The following DLGAP2 variants were observed in gnomAD, a reference collection of about 807,000 sequenced individuals.
DLGAP2 encodes the protein DLG associated protein 2.
Under a neutral mutation model 100.3 loss-of-function variants are expected in DLGAP2, and 26 were observed. The observed-to-expected ratio is 0.26, with a 90% CI of 0.19 to 0.36. DLGAP2 has a LOEUF of 0.36. Among genes scored for constraint, DLGAP2 ranks in the 10% least tolerant of loss-of-function variants. The pLI, the probability that DLGAP2 is intolerant of heterozygous loss-of-function variation, is 1.00. For synonymous variants in DLGAP2, 886 were observed against 630.1 expected, an observed-to-expected ratio of 1.41 and a Z score of -6.08; for missense variants, 1,858 against 1,453.2, an observed-to-expected ratio of 1.28 and a Z score of -4.53.
intron 6 of DLGAP2, among the ~76,000 whole-genome samples, chr8:1,624,795 C>G (rs1478986538): frequency 6.6e-6 from 1 of 151,896 alleles, no homozygotes; most frequent in South Asian, 2.1e-4. Flanking sequence ...CTGTGTGCTT[C>G]ATACCCAGTA....
At position 1,587,097 on chromosome 8, in the gene DLGAP2, A is replaced by G. The variant is rs530336741; in HGVS notation, c.1442+21203A>G. Among the ~76,000 whole-genome samples, 3 of 152,362 alleles carry G rather than the reference A, an allele frequency of 2.0e-5. No individual in the cohort carries two copies. In the East Asian group the frequency reaches 5.8e-4, roughly 29 times the overall value. ...TATTGCCTGTTTCCCTAAAAACATT[A>G]CAGGATGCTTTCTTAAAAACATCCT... On this transcript the variant is annotated intron_variant, in intron 6 of 14. Coordinates refer to ENST00000637795, the MANE Select transcript of DLGAP2 (RefSeq NM_001346810.2).
chr8:1,097,163 G>A lies in DLGAP2; in HGVS notation c.74-161688G>A, dbSNP rs535443267. ...GTGGCATGCAGAGGTCCCCTCCAGC[G>A]TGAGACCCAGCTCCCTCTGCTCAGG... On this transcript the variant is annotated intron_variant, in intron 2 of 14. Coordinates refer to ENST00000637795, the MANE Select transcript of DLGAP2 (RefSeq NM_001346810.2). Among the ~76,000 whole-genome samples, 13 of 135,032 alleles carry A rather than the reference G, an allele frequency of 9.6e-5. 3 individuals carry two copies. The highest frequency in any genetic ancestry group is 3.0e-4 in the Admixed American group (4 of 13,508). 88.6% of individuals were successfully genotyped at this position (135,032 alleles called of 152,430 possible). A position where few individuals can be genotyped will look rare whatever the true frequency, so the allele number is the denominator to read the frequency against.
chr8:1,170,632 A>G (rs953201135), intron 2 of DLGAP2, among the ~76,000 whole-genome samples: 17 of 138,606 alleles, frequency 1.2e-4, no homozygotes, highest in African/African-American at 4.4e-4. Flanking sequence ...GTGTCGAGGA[A>G]TGTATCCATT....
intron 2 of DLGAP2, among the ~76,000 whole-genome samples, chr8:1,214,570 G>T (rs970097671): frequency 1.3e-5 from 2 of 152,134 alleles, no homozygotes; most frequent in African/African-American, 2.4e-5. Context: ...CTTCTCACAC[G>T]GCCTCCTCCT....
At chr8:872,685 C>T (rs1316850406) in intron 1 of DLGAP2, among the ~76,000 whole-genome samples, 5 of 152,194 alleles carry the variant, frequency 3.3e-5, no homozygotes, top group African/African-American at 1.2e-4. Flanking sequence ...CCCCATACTA[C>T]TCACCCATTC....
intron 3 of DLGAP2, among the ~76,000 whole-genome samples, chr8:1,391,916 G>T (rs1796366596): frequency 6.6e-6 from 1 of 152,236 alleles, no homozygotes; most frequent in African/African-American, 2.4e-5. Flanking sequence ...CCAACAAGGG[G>T]CCATGGAGGA....
At chr8:1,317,426 C>T (rs13252194) in intron 3 of DLGAP2, among the ~76,000 whole-genome samples, 1 of 141,302 alleles carries the variant, frequency 7.1e-6, no homozygotes, top group Non-Finnish European at 1.5e-5. Context: ...GGTCTACACT[C>T]GAGAAACTTC....
chr8:1,278,996 A>G (rs1019828572), intron 3 of DLGAP2, among the ~76,000 whole-genome samples: 1 of 152,258 alleles, frequency 6.6e-6, no homozygotes, highest in Non-Finnish European at 1.5e-5. Flanking sequence ...AAGAACATAT[A>G]GAAAATATAA....
At chr8:1,006,333 A>G (rs943923162) in intron 2 of DLGAP2, among the ~76,000 whole-genome samples, 6 of 152,316 alleles carry the variant, frequency 3.9e-5, no homozygotes, top group Non-Finnish European at 8.8e-5. Context: ...GTCCTTTATC[A>G]CGTCAGGGGT....
intron 3 of DLGAP2, chr8:1,296,269 C>T (rs1800170989): frequency 6.8e-6 from 1 of 147,546 alleles, no homozygotes; most frequent in South Asian, 2.3e-4. Context: ...AGATATGACC[C>T]TTGTTCCATC....
intron 12 of DLGAP2, 109 bp from the exon 13 acceptor site, chr8:1,691,426 G>A: frequency 1.1e-6 from 1 of 923,430 alleles, no homozygotes; most frequent in Non-Finnish European, 1.6e-6. Context: ...GAAGTCGTCA[G>A]TTTTCATCTC....
chr8:1,471,864 C>T (rs1302380647), intron 3 of DLGAP2, among the ~76,000 whole-genome samples: 3 of 152,156 alleles, frequency 2.0e-5, no homozygotes, highest in East Asian at 1.9e-4. Flanking sequence ...TCACAAGTGC[C>T]GTGACAGTTG....
intron 2 of DLGAP2, among the ~76,000 whole-genome samples, chr8:1,200,957 G>C (rs1797859477): frequency 6.6e-6 from 1 of 152,202 alleles, no homozygotes; most frequent in African/African-American, 2.4e-5. Flanking sequence ...TGTGCACGGC[G>C]GGGCGCTGCG....
At chr8:1,208,335 A>T (rs549173770) in intron 2 of DLGAP2, among the ~76,000 whole-genome samples, 1 of 152,210 alleles carries the variant, frequency 6.6e-6, no homozygotes, top group South Asian at 2.1e-4. Flanking sequence ...TTCCCCGCTT[A>T]TGTTTTTGTT....
intron 8 of DLGAP2, among the ~76,000 whole-genome samples, chr8:1,653,150 C>T (rs1275878892): frequency 1.3e-5 from 2 of 152,008 alleles, no homozygotes; most frequent in Admixed American, 1.3e-4. Context: ...TGTGGCATCG[C>T]GTTGGTTCTT....
intron 2 of DLGAP2, among the ~76,000 whole-genome samples, chr8:974,251 A>G (rs1800106281): frequency 6.6e-6 from 1 of 152,252 alleles, no homozygotes; most frequent in African/African-American, 2.4e-5. Context: ...ATGAAAATGA[A>G]ATCTTGAAAG....
At chr8:1,680,839 AAC>A (rs1440543121) in intron 12 of DLGAP2, 4 of 152,236 alleles carry the variant, frequency 2.6e-5, no homozygotes, top group African/African-American at 9.6e-5. Context: ...ACAAAGATAA[AAC>A]ACAGAAAAAC....
At chr8:1,680,843 C>A in intron 12 of DLGAP2, 1 of 152,204 alleles carries the variant, frequency 6.6e-6, no homozygotes, top group East Asian at 1.9e-4. Flanking sequence ...AGATAAAACA[C>A]AGAAAAACTG....
At chr8:1,583,294 C>G (rs1487507823) in intron 6 of DLGAP2, among the ~76,000 whole-genome samples, 1 of 152,144 alleles carries the variant, frequency 6.6e-6, no homozygotes, top group African/African-American at 2.4e-5. Flanking sequence ...AAGAGAACAC[C>G]AGCTATTGAT....
Sources: gnomAD v4.1 joint callset for allele counts (sites outside exome capture counted in the v4.1 genomes callset) on GRCh38, gnomAD v4.1.1 for gene constraint, MANE v1.5 for transcripts, NCBI Gene and HGNC (gene_info 2026-07-23, HGNC 2026-07-21) for gene names.